Variants in SLC5A4 observed in about 807,000 individuals in gnomAD.
SLC5A4 encodes the protein solute carrier family 5 member 4.
In SLC5A4, 55 loss-of-function variants were observed where a neutral mutation model predicts 70.3. The ratio of observed to expected loss-of-function variants is 0.78; its 90% confidence interval spans 0.63 to 0.98. The LOEUF (loss-of-function observed/expected upper bound fraction) is 0.98, where lower values mean the gene tolerates loss of function less well. Among genes scored for constraint, SLC5A4 ranks in the 50% least tolerant of loss-of-function variants. The pLI is 0.00. For synonymous variants in SLC5A4, 268 were observed against 305.7 expected (o/e 0.88, Z 1.29); for missense variants, 735 against 839.2 (o/e 0.88, Z 1.53).
At chr22:32,351,923 G>A in the SLC5A4 span, among the ~76,000 whole-genome samples, 1 of 151,624 alleles carries the variant, frequency 6.6e-6, no homozygotes, top group Non-Finnish European at 1.5e-5. Flanking sequence ...ACAGGAACAA[G>A]AAAATGATGA....
the SLC5A4 span, among the ~76,000 whole-genome samples, chr22:32,324,212 C>T: frequency 7.9e-6 from 1 of 126,404 alleles, no homozygotes; most frequent in Non-Finnish European, 1.8e-5. Flanking sequence ...TTTTATACCT[C>T]ATATATATAC....
rs1324298371 is a variant in SLC5A4, at chr22:32,248,691, T to C, written c.372+52A>G. 7.5e-6 allele frequency: 9 copies of C among 1,203,550 alleles called. No homozygotes were observed. In the Admixed American group the frequency reaches 1.3e-4, roughly 18 times the overall value. 74.6% of individuals were successfully genotyped at this position (1,203,550 alleles called of 1,614,324 possible). On this transcript the variant is annotated intron_variant, in intron 4 of 14. Transcript: ENST00000266086. ...TCTCAGTGATTGATCTTCTGTGCAGTGAGCAGCAGTGCCTAGAACTGAACT... is the reference window on the plus strand; with the variant it reads ...TCTCAGTGATTGATCTTCTGTGCAGCGAGCAGCAGTGCCTAGAACTGAACT...
the SLC5A4 span, among the ~76,000 whole-genome samples, chr22:32,334,494 G>A: frequency 6.6e-6 from 1 of 152,262 alleles, no homozygotes; most frequent in East Asian, 1.9e-4. Flanking sequence ...CACAGTGATG[G>A]CCTCCCCCCG....
At chr22:32,344,084 C>T in the SLC5A4 span, among the ~76,000 whole-genome samples, 1 of 152,078 alleles carries the variant, frequency 6.6e-6, no homozygotes, top group Non-Finnish European at 1.5e-5. Context: ...GGATAGAATT[C>T]AGCTTGTGTG....
At chr22:32,354,055 C>G in the SLC5A4 span, among the ~76,000 whole-genome samples, 10,035 of 151,634 alleles carry the variant, frequency 0.066, 418 homozygotes, top group Admixed American at 0.11. Flanking sequence ...CCAACCCGCC[C>G]CGCCGGAACC....
chr22:32,281,829 C>T, the SLC5A4 span, among the ~76,000 whole-genome samples: 1 of 151,586 alleles, frequency 6.6e-6, no homozygotes. Flanking sequence ...ATCTCTACTC[C>T]TGCCCTCCGC....
chr22:32,228,616 G>A (rs2179065), intron 11 of SLC5A4, among the ~76,000 whole-genome samples: 29,146 of 151,516 alleles, frequency 0.19, 2,912 homozygotes, highest in Middle Eastern at 0.23. Flanking sequence ...TTCTGGTATC[G>A]ATTTTTTTCC....
chr22:32,271,364 G>T, the SLC5A4 span: 1 of 740,212 alleles, frequency 1.4e-6, no homozygotes, highest in Non-Finnish European at 2.4e-6. Flanking sequence ...TGGTTGTGCT[G>T]GGCAGCCGCC....
the SLC5A4 span, among the ~76,000 whole-genome samples, chr22:32,331,414 C>T: frequency 6.6e-6 from 1 of 152,090 alleles, no homozygotes; most frequent in Admixed American, 6.5e-5. Flanking sequence ...TCCCTCGCGC[C>T]CCAGTCAGCT....
the SLC5A4 span, among the ~76,000 whole-genome samples, chr22:32,305,878 A>G: frequency 7.5e-6 from 1 of 134,204 alleles, no homozygotes; most frequent in African/African-American, 2.9e-5. Flanking sequence ...GTCTGGTGCC[A>G]GTGCCAGATT....
At chr22:32,333,860 A>G in the SLC5A4 span, among the ~76,000 whole-genome samples, 1 of 127,578 alleles carries the variant, frequency 7.8e-6, no homozygotes, top group Non-Finnish European at 1.6e-5. Flanking sequence ...CACACACACC[A>G]CAGACACCCA....
chr22:32,224,068 C>A (rs1032459723), intron 13 of SLC5A4, among the ~76,000 whole-genome samples, 199 bp downstream of exon 13: 7 of 152,048 alleles, frequency 4.6e-5, no homozygotes, highest in South Asian at 2.1e-4. Flanking sequence ...TTACAGGTGC[C>A]CACCACCACA....
Position 32,254,183 on chromosome 22 carries a change from C to T in SLC5A4, c.166G>A (p.Gly56Arg), listed in dbSNP as rs757803486. ...TCACGACCAGCGAGGAAGAAGCCTCCTATAGTACCTCGGTTGGTCTTCAGC... is the reference window on the plus strand; with the variant it reads ...TCACGACCAGCGAGGAAGAAGCCTCTTATAGTACCTCGGTTGGTCTTCAGC... Reference protein sequence around the residue: ...AMLKTNRGTIGGFFLAGRDMA... With the variant: ...AMLKTNRGTIRGFFLAGRDMA... The change falls in exon 2 of 15, where the codon GGA (glycine) becomes AGA (arginine). Residue 56 changes from glycine (G) to arginine (R), a missense_variant. By Grantham distance (125) the Gly-to-Arg change is moderately radical. Transcript: ENST00000266086. 6.2e-7 allele frequency: 1 copy of T among 1,614,038 alleles called. No individual in the cohort carries two copies. The highest frequency in any genetic ancestry group is 1.7e-5 in the Admixed American group (1 of 60,024).
the SLC5A4 span, among the ~76,000 whole-genome samples, chr22:32,326,111 C>T: frequency 6.6e-6 from 1 of 152,172 alleles, no homozygotes; most frequent in Non-Finnish European, 1.5e-5. Context: ...CCCTCTGTGA[C>T]AATAACCCTT....
the SLC5A4 span, among the ~76,000 whole-genome samples, chr22:32,324,806 GCAGGGC>G: frequency 4.6e-5 from 7 of 152,310 alleles, no homozygotes; most frequent in East Asian, 1.3e-3. Flanking sequence ...CCGCTGCCCA[GCAGGGC>G]TATCACTCCT....
At chr22:32,281,536 T>C in the SLC5A4 span, among the ~76,000 whole-genome samples, 2 of 152,214 alleles carry the variant, frequency 1.3e-5, no homozygotes, top group South Asian at 4.1e-4. Flanking sequence ...TATTTTATTT[T>C]ATTATTTTTT....
the SLC5A4 span, among the ~76,000 whole-genome samples, chr22:32,349,826 C>T: frequency 2.6e-5 from 4 of 152,158 alleles, no homozygotes; most frequent in African/African-American, 9.7e-5. Context: ...ATATTTCTCT[C>T]TTTTTCTAAA....
At chr22:32,292,911 A>AG in the SLC5A4 span, among the ~76,000 whole-genome samples, 1 of 152,166 alleles carries the variant, frequency 6.6e-6, no homozygotes, top group African/African-American at 2.4e-5. Context: ...TCTACTTCTT[A>AG]TAGTTCTATC....
At chr22:32,313,132 A>G in the SLC5A4 span, among the ~76,000 whole-genome samples, 3 of 152,246 alleles carry the variant, frequency 2.0e-5, no homozygotes, top group Admixed American at 1.3e-4. Flanking sequence ...TAGAAAATTT[A>G]ATAGAATCAA....
Sources: allele counts gnomAD v4.1 joint callset (sites outside exome capture counted in the v4.1 genomes callset), GRCh38; gene constraint gnomAD v4.1.1; transcripts MANE v1.5; gene names NCBI Gene and HGNC (gene_info 2026-07-23, HGNC 2026-07-21).